The following SYCP2L variants were observed in gnomAD, a reference collection of about 807,000 sequenced individuals.
SYCP2L encodes synaptonemal complex protein 2 like.
Under a neutral mutation model 125.8 loss-of-function variants are expected in SYCP2L, and 98 were observed. That is an observed-to-expected ratio of 0.78 (90% confidence interval 0.66 to 0.92). The LOEUF is 0.92. Ranked by LOEUF, SYCP2L falls within the 40% of genes least tolerant of loss-of-function variation. The pLI is 0.00. For missense variants in SYCP2L, 842 were observed against 936.4 expected (o/e 0.90, Z 1.32); for synonymous variants, 317 against 325.4 (o/e 0.97, Z 0.28).
intron 1 of SYCP2L, among the ~76,000 whole-genome samples, chr6:10,887,337 G>C (rs536165286): frequency 1.3e-5 from 2 of 152,206 alleles, no homozygotes. Context: ...AGAAACCTCG[G>C]ATCCCTAGCT....
intron 10 of SYCP2L, among the ~76,000 whole-genome samples, chr6:10,909,836 T>A (rs1044510425): frequency 2.6e-5 from 4 of 152,186 alleles, no homozygotes; most frequent in Non-Finnish European, 4.4e-5. Context: ...CAGTAAGACG[T>A]ATTTATCTTG....
At chr6:10,895,543 A>G (rs1179284493) in intron 4 of SYCP2L, among the ~76,000 whole-genome samples, 1 of 152,052 alleles carries the variant, frequency 6.6e-6, no homozygotes, top group Non-Finnish European at 1.5e-5. Context: ...TCAAATAAGG[A>G]AAGGAATGTG....
chr6:10,912,933 A>G lies in SYCP2L; in HGVS notation c.1072+6A>G. On this transcript the variant is annotated splice_donor_region_variant and intron_variant, in intron 14 of 29. Transcript: ENST00000283141. The surrounding 1 kb of genome is among the most constrained non-coding windows in gnomAD (Gnocchi z 4.1). Reference sequence around the variant, plus strand: ...GATGAATTTCAGCATAACAGGTAATATGATACATTTAAACAACCCACGTCC... The same window carrying G: ...GATGAATTTCAGCATAACAGGTAATGTGATACATTTAAACAACCCACGTCC... 1 of 1,613,046 alleles carries G rather than the reference A, an allele frequency of 6.2e-7. No homozygotes were observed. Among genetic ancestry groups the G allele is most frequent in the Non-Finnish European group, 8.5e-7 (1 of 1,179,702 alleles).
intron 4 of SYCP2L, among the ~76,000 whole-genome samples, chr6:10,895,316 T>C (rs1429764260): frequency 1.3e-5 from 2 of 152,222 alleles, no homozygotes; most frequent in South Asian, 2.1e-4. Flanking sequence ...CCAGTTGCCA[T>C]GAGAGCACAC....
intron 29 of SYCP2L, among the ~76,000 whole-genome samples, chr6:10,971,814 A>G (rs1781780605): frequency 9.7e-6 from 1 of 103,626 alleles, no homozygotes; most frequent in Non-Finnish European, 1.9e-5. Context: ...GGCTGGGATT[A>G]CAGGTGCCTC....
chr6:10,960,888 C>G (rs541072465), intron 26 of SYCP2L, among the ~76,000 whole-genome samples: 2 of 152,172 alleles, frequency 1.3e-5, no homozygotes, highest in African/African-American at 4.8e-5. Flanking sequence ...TCAGCCTGGC[C>G]AACATGGTGA....
chr6:10,973,901 A>C (rs1012242877), intron 29 of SYCP2L, 51 bp from the exon 30 acceptor site: 2 of 152,266 alleles, frequency 1.3e-5, no homozygotes, highest in Non-Finnish European at 2.9e-5. Flanking sequence ...GACTAAGAGG[A>C]GGACAGTTCG....
At chr6:10,933,211 A>T (rs960759257) in intron 20 of SYCP2L, among the ~76,000 whole-genome samples, 4 of 152,126 alleles carry the variant, frequency 2.6e-5, no homozygotes, top group African/African-American at 9.7e-5. Flanking sequence ...AGGTCAGCAC[A>T]TTTTTTCTGT....
At chr6:10,907,724 T>C (rs536691202) in intron 10 of SYCP2L, 40 bp downstream of exon 10, 2 of 1,602,362 alleles carry the variant, frequency 1.2e-6, no homozygotes, top group South Asian at 2.2e-5. Context: ...TTAGCCAATA[T>C]TTATTAAGCA....
intron 8 of SYCP2L, among the ~76,000 whole-genome samples, chr6:10,905,066 G>A (rs991873888): frequency 1.4e-5 from 2 of 145,788 alleles, no homozygotes; most frequent in African/African-American, 5.1e-5. Flanking sequence ...CTTGACCCTG[G>A]GAGGCAGAGT....
At chr6:10,893,585 C>T (rs566312624) in intron 2 of SYCP2L, among the ~76,000 whole-genome samples, 3 of 152,234 alleles carry the variant, frequency 2.0e-5, no homozygotes, top group African/African-American at 4.8e-5. Flanking sequence ...ACGAGAATCA[C>T]GTGAAAGGCT....
chr6:10,908,101 T>C (rs1780534547), intron 10 of SYCP2L, among the ~76,000 whole-genome samples: 1 of 151,996 alleles, frequency 6.6e-6, no homozygotes, highest in Admixed American at 6.6e-5. Context: ...TTGGCCAGTC[T>C]TATCTTGAAC....
intron 11 of SYCP2L, 152 bp from the exon 12 acceptor site, chr6:10,910,672 G>A: frequency 1.3e-6 from 1 of 768,706 alleles, no homozygotes; most frequent in Non-Finnish European, 2.2e-6. Context: ...ACCCATAGTA[G>A]GTCTCCATTT....
rs543636016 is a variant in SYCP2L at position 10,890,708 on chromosome 6, T to C, written c.10-805T>C. ...TTTGGTCTGTATAATTTCATTTGTCTATTTTTGCTTTCATTGCCTGTGATT... is the reference window on the plus strand; with the variant it reads ...TTTGGTCTGTATAATTTCATTTGTCCATTTTTGCTTTCATTGCCTGTGATT... On this transcript the variant is annotated intron_variant, in intron 1 of 29. Transcript: ENST00000283141. 2.6e-5 allele frequency among the ~76,000 whole-genome samples: 4 copies of C among 152,346 alleles called. No homozygotes were observed. In the South Asian group the frequency reaches 8.3e-4, roughly 32 times the overall value.
chr6:10,955,246 A>G, intron 24 of SYCP2L, 29 bp downstream of exon 24: 1 of 1,431,430 alleles, frequency 7.0e-7, no homozygotes, highest in Non-Finnish European at 9.9e-7. Context: ...CCAATGGTTC[A>G]AGTAGGAGTG....
intron 29 of SYCP2L, among the ~76,000 whole-genome samples, chr6:10,965,134 C>T (rs1380635193): frequency 1.3e-5 from 2 of 152,010 alleles, no homozygotes; most frequent in African/African-American, 4.8e-5. Flanking sequence ...GAAAATTACT[C>T]TAGATGCTAT....
At position 10,926,408 on chromosome 6, in the gene SYCP2L, C is replaced by A. The variant is rs777025590; in HGVS notation, c.1288C>A (p.Pro430Thr). Residue 430 changes from proline to threonine, a missense_variant, in exon 16 of 30, where the codon CCC (proline) becomes ACC (threonine). Coordinates refer to ENST00000283141, the MANE Select transcript of SYCP2L (RefSeq NM_001040274.3). ...SKSDKEDRESPSGLERETEQA... is the reference protein window; with the variant it reads ...SKSDKEDRESTSGLERETEQA... ...GTCTGATAAAGAAGACAGGGAGAGT[C>A]CCAGTGGCCTTGAAAGAGAAACAGG... The A allele has an allele frequency of 1.7e-5, 28 of 1,613,436 alleles. No homozygotes were observed. Among genetic ancestry groups the A allele is most frequent in the Non-Finnish European group, 2.4e-5 (28 of 1,179,638 alleles).
intron 4 of SYCP2L, 79 bp from the exon 5 acceptor site, chr6:10,897,932 T>A (rs1780286095): frequency 8.6e-6 from 8 of 931,672 alleles, no homozygotes; most frequent in Non-Finnish European, 1.4e-5. Context: ...TTTGTTGTAA[T>A]GAGAAAATTG....
intron 20 of SYCP2L, 57 bp downstream of exon 20, chr6:10,931,546 C>A (rs1021161341): frequency 2.0e-6 from 3 of 1,497,868 alleles, no homozygotes; most frequent in Non-Finnish European, 2.8e-6. Flanking sequence ...GCATTTATTT[C>A]TCCAAAAACA....
Sources: gnomAD v4.1 joint callset for allele counts (sites outside exome capture counted in the v4.1 genomes callset) on GRCh38, gnomAD v4.1.1 for gene constraint, Gnocchi (gnomAD v3.1) non-coding constraint, MANE v1.5 for transcripts, NCBI Gene and HGNC (gene_info 2026-07-23, HGNC 2026-07-21) for gene names.